The following TTC14 variants were observed in gnomAD, a reference collection of about 807,000 sequenced individuals.
TTC14 encodes tetratricopeptide repeat protein 14.
A neutral mutation model predicts 79.9 loss-of-function variants in TTC14; 63 were observed. That is an observed-to-expected ratio of 0.79 (90% confidence interval 0.64 to 0.97). The LOEUF (loss-of-function observed/expected upper bound fraction) is 0.97. Among genes scored for constraint, TTC14 ranks in the 50% least tolerant of loss-of-function variants. TTC14 has a pLI of 0.00. For synonymous variants in TTC14, 335 were observed against 309.6 expected (o/e 1.08, Z -0.86); for missense variants, 895 against 894.0 (o/e 1.00, Z -0.01).
intron 11 of TTC14, 131 bp from the exon 12 acceptor site, chr3:180,609,499 G>A (rs902882925): frequency 4.9e-5 from 65 of 1,330,754 alleles, no homozygotes; most frequent in Admixed American, 2.5e-4. Flanking sequence ...TGTAGTAGCC[G>A]AGATTATTGT....
At chr3:180,606,001 C>A in intron 7 of TTC14, 164 bp downstream of exon 7, 1 of 844,498 alleles carries the variant, frequency 1.2e-6, no homozygotes, top group Non-Finnish European at 1.8e-6. Flanking sequence ...ACATTTTACA[C>A]TTAACAGATA....
downstream of TTC14, among the ~76,000 whole-genome samples, chr3:180,612,910 A>G (rs556246706): frequency 1.3e-5 from 2 of 152,354 alleles, no homozygotes; most frequent in East Asian, 3.9e-4. Flanking sequence ...CACCCTATCC[A>G]AAAGTGAGCA....
rs752024603 is a variant in TTC14 at position 180,604,903 on chromosome 3, G to T, written c.753G>T (p.Met251Ile). ...SNSLESYENV[M>I]QSSLGFVNPG... is the part of the protein sequence containing the mutation. The stretch of plus-strand genomic sequence containing the variant: ...CTTTGGAGTCCTATGAAAATGTCAT[G>T]CAGAGTTCCTTGGGATTTGTTAATC... Residue 251 changes from methionine (M) to isoleucine (I), a missense_variant, in exon 6 of 12, where the codon ATG (methionine) becomes ATT (isoleucine). Transcript: ENST00000296015. The T allele has an allele frequency of 1.9e-6, 3 of 1,613,926 alleles. No individual in the cohort carries two copies. Among genetic ancestry groups the T allele is most frequent in the Non-Finnish European group, 2.5e-6 (3 of 1,179,996 alleles).
chr3:180,608,485 T>C, intron 10 of TTC14: 1 of 1,081,028 alleles, frequency 9.3e-7, no homozygotes, highest in Non-Finnish European at 1.1e-6. Context: ...AACTGCAATA[T>C]GGTCCTCAAT....
Position 180,609,758 on chromosome 3 carries a change from C to G in TTC14, c.1529C>G (p.Ser510Ter). The G allele has an allele frequency of 1.2e-6, 2 of 1,613,954 alleles. No individual in the cohort carries two copies. Among genetic ancestry groups the G allele is most frequent in the Non-Finnish European group, 1.7e-6 (2 of 1,179,920 alleles). ...CATAAGAAACATAAGAGGAACCGTT[C>G]AGAGTCTTCTCGCAGTTCCAGAAGG... ...KRHKKHKRNR[S>*]ESSRSSRRHS... The change falls in exon 12 of 12, where the codon TCA becomes TGA. Residue 510 changes from serine to a stop codon, truncating the protein, a stop_gained. Coordinates refer to ENST00000296015, the MANE Select transcript of TTC14 (RefSeq NM_133462.4). LOFTEE classifies it high-confidence loss of function.
chr3:180,608,075 A>G lies in TTC14; in HGVS notation c.1290+310A>G, dbSNP rs115898235. ...TTGCTACTATAATTGAGCTAATTAT[A>G]AAAACCTTTTTGAGACATATTTTAA... On this transcript the variant is annotated intron_variant, in intron 10 of 11. Transcript: ENST00000296015. The G allele has an allele frequency of 1.8e-3, 1,917 of 1,053,068 alleles. 1 individual carries two copies. Among genetic ancestry groups the G allele is most frequent in the Non-Finnish European group, 2.1e-3 (1,811 of 873,710 alleles). 65.2% of individuals were successfully genotyped at this position (1,053,068 alleles called of 1,614,324 possible). A position where few individuals can be genotyped will look rare whatever the true frequency, so the allele number is the denominator to read the frequency against.
chr3:180,609,369 T>TTAAG, intron 11 of TTC14: 1 of 1,143,528 alleles, frequency 8.7e-7, no homozygotes, highest in Non-Finnish European at 1.1e-6. Flanking sequence ...TTCAGTAGTC[T>TTAAG]TAAGTTTTTA....
intron 7 of TTC14, 126 bp downstream of exon 7, chr3:180,605,963 C>A: frequency 9.9e-7 from 1 of 1,008,156 alleles, no homozygotes; most frequent in Non-Finnish European, 1.5e-6. Context: ...TTGACATGAG[C>A]TTTTCTTTTA....
chr3:180,612,774 G>A (rs368508011), downstream of TTC14, among the ~76,000 whole-genome samples: 2 of 152,156 alleles, frequency 1.3e-5, no homozygotes, highest in Non-Finnish European at 2.9e-5. Context: ...AGTAAGCTAC[G>A]AAGTTCTTGC....
chr3:180,605,994 T>G, intron 7 of TTC14, 157 bp downstream of exon 7: 1 of 862,804 alleles, frequency 1.2e-6, no homozygotes, highest in Non-Finnish European at 1.8e-6. Context: ...TAGTCTTACA[T>G]TTTACACTTA....
downstream of TTC14, among the ~76,000 whole-genome samples, chr3:180,612,726 C>G (rs558841093): frequency 6.6e-6 from 1 of 152,308 alleles, no homozygotes; most frequent in Admixed American, 6.5e-5. Flanking sequence ...GACAGCCAGA[C>G]TGGTGTCTTA....
chr3:180,602,991 T>G lies in TTC14; in HGVS notation c.262T>G (p.Ser88Ala). Residue 88 changes from serine to alanine, a missense_variant, in exon 2 of 12, where the codon TCT (serine) becomes GCT (alanine). Transcript: ENST00000296015. The stretch of plus-strand genomic sequence containing the variant: ...CTGGAAATCAGATGCACCTGCAACT[T>G]CTGAAATTAATGAAGACAGTGAAGG... ...LSWKSDAPATSEINEDSEDHY... is the reference protein window; with the variant it reads ...LSWKSDAPATAEINEDSEDHY... The G allele has an allele frequency of 6.2e-7, 1 of 1,613,620 alleles. No individual in the cohort carries two copies. Among genetic ancestry groups the G allele is most frequent in the Non-Finnish European group, 8.5e-7 (1 of 1,179,930 alleles).
chr3:180,604,940 G>C lies in TTC14; in HGVS notation c.790G>C (p.Glu264Gln), dbSNP rs771094730. The C allele has an allele frequency of 6.2e-7, 1 of 1,613,942 alleles. No homozygotes were observed. Among genetic ancestry groups the C allele is most frequent in the Non-Finnish European group, 8.5e-7 (1 of 1,179,952 alleles). Residue 264 changes from glutamate to glutamine, a missense_variant, in exon 6 of 12, where the codon GAA becomes CAA. Coordinates refer to ENST00000296015, the MANE Select transcript of TTC14 (RefSeq NM_133462.4). ...SLGFVNPGVV[E>Q]FLLEKLGIDE... The stretch of plus-strand genomic sequence containing the variant: ...GGGATTTGTTAATCCAGGAGTAGTT[G>C]AATTCCTTCTAGAAAAACTAGGAAT...
At chr3:180,611,732 G>A (rs1717002576), downstream of TTC14, among the ~76,000 whole-genome samples, 1 of 152,154 alleles carries the variant, frequency 6.6e-6, no homozygotes, top group Non-Finnish European at 1.5e-5. Flanking sequence ...GATTCTCAAA[G>A]CTGTAAATTA....
rs779259348 is a variant in TTC14 at position 180,609,868 on chromosome 3, TTTC to T, written c.1642_1644del (p.Leu548del). Reference sequence around the variant, plus strand: ...AGTTCCAGCTAATACTTCAGCATCTTTTCTTAACCATAAACAAGAAGTGGAGAA... The same window carrying T: ...AGTTCCAGCTAATACTTCAGCATCTTTTAACCATAAACAAGAAGTGGAGAA... On this transcript the variant is annotated inframe_deletion, in exon 12 of 12. Coordinates refer to ENST00000296015, the MANE Select transcript of TTC14 (RefSeq NM_133462.4). The T allele has an allele frequency of 6.2e-7, 1 of 1,613,780 alleles. No homozygotes were observed. The highest frequency in any genetic ancestry group is 8.5e-7 in the Non-Finnish European group (1 of 1,179,888).
Position 180,610,471 on chromosome 3 carries a change from CAG to C in TTC14, c.2244_2245del (p.Asn749PhefsTer6). 2 of 1,605,240 alleles carry C rather than the reference CAG, an allele frequency of 1.2e-6. No individual in the cohort carries two copies. The highest frequency in any genetic ancestry group is 1.7e-6 in the Non-Finnish European group (2 of 1,177,862). Reference sequence around the variant, plus strand: ...AAGCAGTGTTAAGAAAAATTTACCTCAGAATTTACTGAATATATTTAATCAGA... The same window carrying C: ...AAGCAGTGTTAAGAAAAATTTACCTCAATTTACTGAATATATTTAATCAGA... ...SESSVKKNLP[Q>X]NLLNIFNQIA... On this transcript the variant is annotated frameshift_variant, in exon 12 of 12. Transcript: ENST00000296015. LOFTEE classifies it high-confidence loss of function.
At chr3:180,616,210 T>C (rs1272187620) in intron 12 of TTC14, 1 of 1,313,202 alleles carries the variant, frequency 7.6e-7, no homozygotes, top group Non-Finnish European at 1.1e-6. Flanking sequence ...TGCGGTGATG[T>C]AGAAGTGGCT....
In TTC14 at chr3:180,604,460, CTTT is replaced by C. The variant is rs59520418; in HGVS notation, c.572-9_572-7del. 3 of 1,309,552 alleles carry C rather than the reference CTTT, an allele frequency of 2.3e-6. No individual in the cohort carries two copies. Among genetic ancestry groups the C allele is most frequent in the Admixed American group, 2.4e-5 (1 of 42,442 alleles). 81.1% of individuals were successfully genotyped at this position (1,309,552 alleles called of 1,614,324 possible). On this transcript the variant is annotated splice_polypyrimidine_tract_variant and intron_variant, in intron 4 of 11. Transcript: ENST00000296015. ...TTTTCTTACTAATCAGCTTAGTTCTCTTTTTTTTTTTCTTAAGCTGGAATCAAG... is the reference window on the plus strand; with the variant it reads ...TTTTCTTACTAATCAGCTTAGTTCTCTTTTTTTTCTTAAGCTGGAATCAAG...
chr3:180,617,592 G>T (rs1272036573), exon 13 of TTC14: 2 of 434,626 alleles, frequency 4.6e-6, no homozygotes, highest in Non-Finnish European at 8.2e-6. Flanking sequence ...GTGTGTATGT[G>T]TCTTAGTTTT....
Sources: gnomAD v4.1 joint callset for allele counts (sites outside exome capture counted in the v4.1 genomes callset) on GRCh38, gnomAD v4.1.1 for gene constraint, MANE v1.5 for transcripts, NCBI Gene and HGNC (gene_info 2026-07-23, HGNC 2026-07-21) for gene names.